The following RPN2 variants were observed in gnomAD, a reference collection of about 807,000 sequenced individuals.
RPN2 encodes the protein dolichyl-diphosphooligosaccharide--protein glycosyltransferase subunit 2.
A neutral mutation model predicts 71.4 loss-of-function variants in RPN2; 29 were observed. The observed-to-expected ratio is 0.41, with a 90% confidence interval of 0.30 to 0.55. RPN2 has a LOEUF of 0.55. RPN2 is among the 20% of genes least tolerant of loss of function. The pLI is 0.35. For missense variants in RPN2, 726 were observed against 774.1 expected, an observed-to-expected ratio of 0.94 and a Z score of 0.74; for synonymous variants, 308 against 305.0, an observed-to-expected ratio of 1.01 and a Z score of -0.10.
chr20:37,211,674 T>A (rs937109379), intron 8 of RPN2, among the ~76,000 whole-genome samples: 6 of 151,792 alleles, frequency 4.0e-5, no homozygotes, highest in African/African-American at 1.5e-4. Context: ...CAGGGTATGC[T>A]TTATATGTAA....
rs1202098404 is a variant in RPN2 at position 37,236,468 on chromosome 20, TATA to T, written c.1754-111_1754-109del. On this transcript the variant is annotated intron_variant, in intron 15 of 16. Coordinates refer to ENST00000237530, the MANE Select transcript of RPN2 (RefSeq NM_002951.5). ...AGAGCAAAGGAATAAAACAAGCTGG[TATA>T]GGAGTACAGACCTTTTCATGATCCA... The T allele has an allele frequency of 5.4e-6, 6 of 1,114,876 alleles. No individual in the cohort carries two copies. The East Asian group carries it at 1.2e-4, about 22-fold the overall frequency. The allele number at this position is 1,114,876 out of a possible 1,614,324, so 69.1% of individuals were successfully genotyped here.
At chr20:37,179,960 C>G (rs561886772) in intron 1 of RPN2, among the ~76,000 whole-genome samples, 3 of 152,232 alleles carry the variant, frequency 2.0e-5, no homozygotes, top group African/African-American at 7.2e-5. Flanking sequence ...TCAAATTAGT[C>G]ACGTTATCTG....
At chr20:37,233,438 G>C (rs2068304196) in intron 14 of RPN2, among the ~76,000 whole-genome samples, 2 of 152,064 alleles carry the variant, frequency 1.3e-5, no homozygotes, top group African/African-American at 4.8e-5. Flanking sequence ...ACACTCATTA[G>C]ATCTTACTTT....
At chr20:37,222,265 A>G (rs2146656628) in intron 9 of RPN2, among the ~76,000 whole-genome samples, 1 of 152,264 alleles carries the variant, frequency 6.6e-6, no homozygotes, top group East Asian at 1.9e-4. Flanking sequence ...CCACTGCCAT[A>G]ATTTCACCCA....
At chr20:37,226,352 A>T (rs535263739) in intron 11 of RPN2, among the ~76,000 whole-genome samples, 9 of 152,220 alleles carry the variant, frequency 5.9e-5, no homozygotes, top group Admixed American at 2.0e-4. Context: ...GATTATAAGC[A>T]TGGCACTAGA....
chr20:37,237,050 C>T (rs1280361284), intron 16 of RPN2, among the ~76,000 whole-genome samples: 1 of 152,112 alleles, frequency 6.6e-6, no homozygotes, highest in Non-Finnish European at 1.5e-5. Context: ...GAGAATCCTG[C>T]CCTGCCCTCC....
intron 13 of RPN2, among the ~76,000 whole-genome samples, chr20:37,230,816 A>C (rs540707373): frequency 6.6e-6 from 1 of 152,240 alleles, no homozygotes; most frequent in South Asian, 2.1e-4. Context: ...GCATTATTTA[A>C]GAATGTAAAA....
intron 10 of RPN2, among the ~76,000 whole-genome samples, chr20:37,224,204 C>T (rs1383672770): frequency 6.6e-6 from 1 of 152,204 alleles, no homozygotes; most frequent in East Asian, 1.9e-4. Context: ...TATTTATTAA[C>T]CAGTCCTCAA....
intron 1 of RPN2, among the ~76,000 whole-genome samples, chr20:37,182,241 C>G (rs1465175940): frequency 6.6e-6 from 1 of 151,562 alleles, no homozygotes; most frequent in East Asian, 1.9e-4. Context: ...TTACAGGCAC[C>G]CACCATCACA....
chr20:37,208,435 G>A lies in RPN2; in HGVS notation c.867+986G>A, dbSNP rs183568720. On this transcript the variant is annotated intron_variant, in intron 7 of 16. Coordinates refer to ENST00000237530, the MANE Select transcript of RPN2 (RefSeq NM_002951.5). ...TTTGTTTTGGTTTTTTTTGAGACGC[G>A]GTCTCGCTATGTCGCGCAGGCTGGA... Among the ~76,000 whole-genome samples the A allele has an allele frequency of 1.4e-3, 213 of 151,974 alleles. 2 individuals are homozygous for A. The highest frequency in any genetic ancestry group is 4.9e-3 in the African/African-American group (204 of 41,446).
chr20:37,189,195 A>G (rs1406174071), intron 2 of RPN2, among the ~76,000 whole-genome samples: 1 of 152,146 alleles, frequency 6.6e-6, no homozygotes, highest in African/African-American at 2.4e-5. Flanking sequence ...TTGGCCTCCC[A>G]AAGTGCTGGG....
At position 37,198,510 on chromosome 20, in the gene RPN2, C is replaced by A. The variant is rs369755057; in HGVS notation, c.303+18C>A. On this transcript the variant is annotated intron_variant, in intron 3 of 16. Transcript: ENST00000237530. Reference sequence around the variant, plus strand: ...GATGTGAGGTGAGTCCGGGTTCCTACGCTGACAATGACTTTAACTATTTAA... The same window carrying A: ...GATGTGAGGTGAGTCCGGGTTCCTAAGCTGACAATGACTTTAACTATTTAA... 1 of 1,614,000 alleles carries A rather than the reference C, an allele frequency of 6.2e-7. No homozygotes were observed. The highest frequency in any genetic ancestry group is 8.5e-7 in the Non-Finnish European group (1 of 1,180,036).
intron 2 of RPN2, among the ~76,000 whole-genome samples, chr20:37,186,206 T>C (rs965743236): frequency 1.3e-5 from 2 of 152,228 alleles, no homozygotes; most frequent in Non-Finnish European, 2.9e-5. Context: ...AATCTCTGAA[T>C]TGTAAGGTCA....
intron 4 of RPN2, among the ~76,000 whole-genome samples, chr20:37,203,379 T>C: frequency 1.1e-5 from 1 of 89,960 alleles, no homozygotes; most frequent in South Asian, 3.4e-4. Flanking sequence ...TTTTTTTTTT[T>C]TTTTTCTGAG....
intron 2 of RPN2, among the ~76,000 whole-genome samples, chr20:37,189,636 G>A (rs1350824549): frequency 6.6e-6 from 1 of 152,130 alleles, no homozygotes; most frequent in African/African-American, 2.4e-5. Flanking sequence ...AAAGGTGAAT[G>A]TACCTCCTGA....
intron 1 of RPN2, 94 bp downstream of exon 1, chr20:37,179,463 C>A: frequency 1.4e-6 from 2 of 1,439,130 alleles, no homozygotes; most frequent in South Asian, 2.8e-5. Context: ...ATCCCCTTCC[C>A]CTGCGGGACA....
chr20:37,184,838 T>G (rs2146512950), intron 2 of RPN2, among the ~76,000 whole-genome samples: 1 of 152,120 alleles, frequency 6.6e-6, no homozygotes, highest in South Asian at 2.1e-4. Context: ...TTTGTTTTTG[T>G]TTTTTTGCCT....
chr20:37,232,521 T>C (rs1350812530), intron 14 of RPN2, 130 bp downstream of exon 14: 2 of 1,124,726 alleles, frequency 1.8e-6, no homozygotes, highest in East Asian at 2.4e-5. Context: ...GTGACCTGAA[T>C]TGATGCTCAA....
intron 9 of RPN2, among the ~76,000 whole-genome samples, chr20:37,218,281 T>G (rs1442382023): frequency 6.6e-6 from 1 of 151,576 alleles, no homozygotes; most frequent in Non-Finnish European, 1.5e-5. Flanking sequence ...CCATGTATGG[T>G]GGCATGTACC....
Sources: gnomAD v4.1 joint callset for allele counts (sites outside exome capture counted in the v4.1 genomes callset) on GRCh38, gnomAD v4.1.1 for gene constraint, MANE v1.5 for transcripts, NCBI Gene and HGNC (gene_info 2026-07-23, HGNC 2026-07-21) for gene names.